The following PDE1C variants were observed in gnomAD, a reference collection of about 807,000 sequenced individuals.
The protein encoded by PDE1C is phosphodiesterase 1C.
A neutral mutation model predicts 93.1 loss-of-function variants in PDE1C; 62 were observed. That is an observed-to-expected ratio of 0.67 (90% CI 0.54 to 0.82). The LOEUF (loss-of-function observed/expected upper bound fraction) is 0.82. Ranked by LOEUF, PDE1C falls within the 40% of genes least tolerant of loss-of-function variation. PDE1C has a pLI of 0.00. For synonymous variants in PDE1C, 325 were observed against 310.1 expected, an observed-to-expected ratio of 1.05 and a Z score of -0.50; for missense variants, 742 against 884.6, an observed-to-expected ratio of 0.84 and a Z score of 2.04.
the PDE1C span, among the ~76,000 whole-genome samples, chr7:31,622,029 G>A: frequency 3.5e-5 from 5 of 141,286 alleles, no homozygotes; most frequent in African/African-American, 1.1e-4. Context: ...TAATGGTAAA[G>A]GGATCAATTC....
chr7:32,349,931 A>C (rs1181129232), intron 1 of PDE1C, among the ~76,000 whole-genome samples: 2 of 152,184 alleles, frequency 1.3e-5, no homozygotes, highest in Non-Finnish European at 2.9e-5. Flanking sequence ...GCCAGCCTCA[A>C]GTTGAATTTT....
intron 2 of PDE1C, among the ~76,000 whole-genome samples, chr7:31,985,234 C>T (rs902432025): frequency 6.6e-6 from 1 of 152,000 alleles, no homozygotes. Flanking sequence ...AGTTTTCTTA[C>T]AATTCTTTGC....
At chr7:32,126,231 A>AGATG (rs1182280815) in intron 3 of PDE1C, among the ~76,000 whole-genome samples, 1 of 151,890 alleles carries the variant, frequency 6.6e-6, no homozygotes, top group Non-Finnish European at 1.5e-5. Context: ...ATAGATAGAT[A>AGATG]GATAGATAGA....
At chr7:32,223,293 G>A (rs1180259714) in intron 1 of PDE1C, among the ~76,000 whole-genome samples, 1 of 152,220 alleles carries the variant, frequency 6.6e-6, no homozygotes, top group Admixed American at 6.5e-5. Context: ...CACCCTGACA[G>A]ACCGTTCCAC....
chr7:32,209,472 A>C, intron 2 of PDE1C: 2 of 1,567,194 alleles, frequency 1.3e-6, no homozygotes, highest in Non-Finnish European at 1.7e-6. Context: ...GAAAGGAGTG[A>C]AACAAGATTT....
intron 1 of PDE1C, among the ~76,000 whole-genome samples, chr7:32,348,131 C>G (rs177362): frequency 0.8 from 121,691 of 152,052 alleles, 49,052 homozygotes; most frequent in Admixed American, 0.85. Context: ...TCCATCATCT[C>G]ATGGCTGCAA....
At chr7:31,939,230 A>AAGGAGGAGG (rs111840541) in intron 2 of PDE1C, among the ~76,000 whole-genome samples, 2 of 151,598 alleles carry the variant, frequency 1.3e-5, no homozygotes, top group Non-Finnish European at 2.9e-5. Flanking sequence ...GAAGAAGAAG[A>AAGGAGGAGG]AGGAGGAGGA....
chr7:31,841,284 T>C (rs1275153739), intron 9 of PDE1C, among the ~76,000 whole-genome samples: 3 of 151,726 alleles, frequency 2.0e-5, no homozygotes, highest in African/African-American at 7.3e-5. Flanking sequence ...TATAATGTTT[T>C]TTACATTAAC....
chr7:31,957,831 C>A (rs752554243), intron 2 of PDE1C, among the ~76,000 whole-genome samples: 12 of 152,120 alleles, frequency 7.9e-5, no homozygotes, highest in Middle Eastern at 6.8e-3. Flanking sequence ...TGTTGTGAAG[C>A]CACTAAGTAG....
At chr7:32,310,550 G>A (rs1388839485) in intron 1 of PDE1C, among the ~76,000 whole-genome samples, 23 of 152,134 alleles carry the variant, frequency 1.5e-4, no homozygotes, top group South Asian at 4.2e-4. Context: ...ATAACAAACT[G>A]TCTCTCAGAC....
chr7:31,632,621 A>C, the PDE1C span, among the ~76,000 whole-genome samples: 2 of 152,194 alleles, frequency 1.3e-5, no homozygotes, highest in Admixed American at 6.5e-5. Flanking sequence ...CACTGGGAAC[A>C]CAACTTCTGA....
chr7:32,113,236 A>AATATATATATATATATATATAT lies in PDE1C; in HGVS notation c.308+56527_308+56548dup, dbSNP rs35138046. On this transcript the variant is annotated intron_variant, in intron 3 of 18. Transcript: ENST00000396193. ...TATAAATATAAATATATTGTCCTTA[A>AATATATATATATATATATATAT]ATATATATATATATATATATATATA... 8.5e-3 allele frequency among the ~76,000 whole-genome samples: 794 copies of AATATATATATATATATATATAT among 93,758 alleles called. 16 individuals are homozygous for AATATATATATATATATATATAT. Among genetic ancestry groups the AATATATATATATATATATATAT allele is most frequent in the Middle Eastern group, 0.035 (5 of 142 alleles). 61.5% of individuals were successfully genotyped at this position (93,758 alleles called of 152,430 possible).
In PDE1C at chr7:31,926,099, T is replaced by C. The variant is rs572252282; in HGVS notation, c.129-45239A>G. On this transcript the variant is annotated intron_variant, in intron 2 of 17. Transcript: ENST00000396191. ...ATGCTTTATATTCACAATGGATGGA[T>C]AGGATATATTCTATTTACCCTACAC... Among the ~76,000 whole-genome samples, 16 of 152,078 alleles carry C rather than the reference T, an allele frequency of 1.1e-4. No individual in the cohort carries two copies. The South Asian group carries it at 2.3e-3, about 22-fold the overall frequency.
At position 32,107,441 on chromosome 7, in the gene PDE1C, ACTT is replaced by A. The variant is rs557091314; in HGVS notation, c.308+62341_308+62343del. ...GGAACAAGGATAAGAATTGCATTGA[ACTT>A]CTCATCAGAAGCCCTGTAAGCAAGA... is the stretch of plus-strand genomic sequence containing the variant. On this transcript the variant is annotated intron_variant, in intron 3 of 18. Coordinates refer to the PDE1C transcript ENST00000396193. 1.5e-3 allele frequency among the ~76,000 whole-genome samples: 227 copies of A among 152,296 alleles called. 1 individual carries two copies. Among genetic ancestry groups the A allele is most frequent in the African/African-American group, 4.8e-3 (198 of 41,568 alleles).
At chr7:31,893,236 T>C (rs1335537206) in intron 2 of PDE1C, among the ~76,000 whole-genome samples, 3 of 152,194 alleles carry the variant, frequency 2.0e-5, no homozygotes, top group African/African-American at 7.2e-5. Context: ...GGAAAACAAT[T>C]TGCATATTAT....
At chr7:32,044,253 G>A (rs78698275) in intron 2 of PDE1C, among the ~76,000 whole-genome samples, 3,467 of 152,072 alleles carry the variant, frequency 0.023, 146 homozygotes, top group African/African-American at 0.079. Context: ...ATAAAAATGA[G>A]AACATTTAGA....
chr7:32,265,053 G>A (rs79489167), intron 1 of PDE1C, among the ~76,000 whole-genome samples: 16,139 of 152,212 alleles, frequency 0.11, 1,147 homozygotes, highest in East Asian at 0.3. Context: ...TAAAATTAAG[G>A]GTAGTAATGG....
At position 32,224,206 on chromosome 7, in the gene PDE1C, C is replaced by G. The variant is rs28395489; in HGVS notation, c.86-14667G>C. On this transcript the variant is annotated intron_variant, in intron 1 of 18. Coordinates refer to the PDE1C transcript ENST00000396193. ...TGGCCAACATGGTGAAACCCCATCT[C>G]TACTAAAATTACAAAAATTAGCTGG... is the stretch of plus-strand genomic sequence containing the variant. 9.4e-3 allele frequency among the ~76,000 whole-genome samples: 1,436 copies of G among 152,314 alleles called. 10 individuals are homozygous for G. Among genetic ancestry groups the G allele is most frequent in the Middle Eastern group, 0.044 (13 of 294 alleles).
intron 1 of PDE1C, among the ~76,000 whole-genome samples, chr7:32,321,842 G>T (rs775568472): frequency 6.6e-6 from 1 of 152,002 alleles, no homozygotes; most frequent in African/African-American, 2.4e-5. Context: ...TTTCAAACCC[G>T]ATCAGTTGTT....
Sources: gnomAD v4.1 joint callset for allele counts (sites outside exome capture counted in the v4.1 genomes callset) on GRCh38, gnomAD v4.1.1 for gene constraint, MANE v1.5 for transcripts, NCBI Gene and HGNC (gene_info 2026-07-23, HGNC 2026-07-21) for gene names.